Variants in INVS observed in about 807,000 individuals in gnomAD.
INVS encodes the protein inversin.
Under a neutral mutation model 108.8 loss-of-function variants are expected in INVS, and 86 were observed. The ratio of observed to expected loss-of-function variants is 0.79; its 90% CI spans 0.66 to 0.95. The LOEUF (loss-of-function observed/expected upper bound fraction) is 0.95. Ranked by LOEUF, INVS falls within the 40% of genes least tolerant of loss-of-function variation. The pLI is 0.00. For missense variants in INVS, 1,169 were observed against 1,297.4 expected (o/e 0.90, Z 1.52); for synonymous variants, 455 against 473.5 (o/e 0.96, Z 0.51).
intron 3 of INVS, among the ~76,000 whole-genome samples, chr9:100,219,958 A>G (rs1260233719): frequency 2.0e-5 from 3 of 152,148 alleles, no homozygotes; most frequent in Non-Finnish European, 4.4e-5. Flanking sequence ...CCAATTCAGG[A>G]TAGTAGTCTC....
In INVS at chr9:100,301,139, T is replaced by TCACA. The variant is rs10527613; in HGVS notation, c.*502_*505dup. 0.025 allele frequency: 4,182 copies of TCACA among 167,834 alleles called. 74 individuals carry two copies. The highest frequency in any genetic ancestry group is 0.035 in the Admixed American group (489 of 13,798). The allele number at this position is 167,834 out of a possible 1,614,324, so 10.4% of individuals were successfully genotyped here. On this transcript the variant is annotated 3_prime_UTR_variant, in exon 17 of 17. Coordinates refer to ENST00000262457, the MANE Select transcript of INVS (RefSeq NM_014425.5). ...CCTGGCATCTAATGCAACAAACTTA[T>TCACA]CACACACACACACACACACACACAC... is the stretch of plus-strand genomic sequence containing the variant.
At chr9:100,162,014 A>G (rs575338066) in intron 3 of INVS, among the ~76,000 whole-genome samples, 1 of 152,330 alleles carries the variant, frequency 6.6e-6, no homozygotes, top group East Asian at 1.9e-4. Context: ...CTCACACAGA[A>G]GATAGAGCCT....
chr9:100,253,200 T>C lies in INVS; in HGVS notation c.1464+64T>C, dbSNP rs1588123767. On this transcript the variant is annotated intron_variant, in intron 10 of 16. Coordinates refer to ENST00000262457, the MANE Select transcript of INVS (RefSeq NM_014425.5). ...AATTTAGAGTATTTCTTCTTTGTTG[T>C]AAACATAAGTAAAACAACAGTTTAC... 6 of 1,259,744 alleles carry C rather than the reference T, an allele frequency of 4.8e-6. No homozygotes were observed. The East Asian group carries it at 1.4e-4, about 29-fold the overall frequency. The allele number at this position is 1,259,744 out of a possible 1,614,324, so 78.0% of individuals were successfully genotyped here.
intron 3 of INVS, among the ~76,000 whole-genome samples, chr9:100,163,191 T>TC (rs1829247990): frequency 6.6e-6 from 1 of 150,982 alleles, no homozygotes; most frequent in Admixed American, 6.6e-5. Flanking sequence ...TTTCTATTTT[T>TC]TTTTTTTTTT....
Position 100,301,391 on chromosome 9 carries a change from G to GT in INVS, c.*718dup, listed in dbSNP as rs1208290303. ...TTCTCAGTGCTGAATACCAACAGCC[G>GT]TATTACAGTATCAAGGATTCTGTCA... On this transcript the variant is annotated 3_prime_UTR_variant, in exon 17 of 17. Coordinates refer to ENST00000262457, the MANE Select transcript of INVS (RefSeq NM_014425.5). 3.3e-5 allele frequency among the ~76,000 whole-genome samples: 5 copies of GT among 152,132 alleles called. No individual in the cohort carries two copies. The highest frequency in any genetic ancestry group is 1.5e-5 in the Non-Finnish European group (1 of 68,042).
chr9:100,203,881 C>G (rs1338768900), intron 3 of INVS, among the ~76,000 whole-genome samples: 1 of 152,076 alleles, frequency 6.6e-6, no homozygotes, highest in Non-Finnish European at 1.5e-5. Flanking sequence ...CATGTTTCTC[C>G]TTGAAAATTT....
chr9:100,202,581 TC>T (rs1402555915), intron 3 of INVS, among the ~76,000 whole-genome samples: 1 of 152,194 alleles, frequency 6.6e-6, no homozygotes, highest in Non-Finnish European at 1.5e-5. Flanking sequence ...CTTTCTCTCT[TC>T]CCTCTCCTTT....
intron 12 of INVS, among the ~76,000 whole-genome samples, chr9:100,273,527 CTTTTTTTTTTTTTTTT>C (rs58458085): frequency 2.1e-4 from 20 of 96,254 alleles, no homozygotes; most frequent in Non-Finnish European, 2.3e-4. Context: ...CCACTCAGTT[CTTTTTTTTTTTTTTTT>C]TTTTTTTTTT....
intron 12 of INVS, among the ~76,000 whole-genome samples, chr9:100,278,202 C>G (rs1011277324): frequency 1.5e-5 from 2 of 129,780 alleles, no homozygotes; most frequent in Non-Finnish European, 3.1e-5. Flanking sequence ...TGCACTCCAG[C>G]CTGGAAGACA....
chr9:100,175,240 C>T (rs968490691), intron 3 of INVS: 12 of 612,588 alleles, frequency 2.0e-5, no homozygotes, highest in African/African-American at 1.8e-4. Context: ...ACTGTAAAGA[C>T]TCTTTGCCAA....
chr9:100,134,019 G>A (rs978517087), intron 3 of INVS, among the ~76,000 whole-genome samples: 8 of 152,166 alleles, frequency 5.3e-5, no homozygotes, highest in African/African-American at 1.9e-4. Flanking sequence ...GGAGATTTGT[G>A]AGAACCTGGT....
At chr9:100,195,236 G>A (rs992727403) in intron 3 of INVS, among the ~76,000 whole-genome samples, 3 of 152,112 alleles carry the variant, frequency 2.0e-5, no homozygotes, top group Admixed American at 2.0e-4. Flanking sequence ...ATTCTAGTTC[G>A]CTGAGAATTT....
At chr9:100,161,388 A>ACAAAAAAAAAAAC (rs1554718618) in intron 3 of INVS, among the ~76,000 whole-genome samples, 10 of 139,100 alleles carry the variant, frequency 7.2e-5, no homozygotes, top group African/African-American at 2.9e-4. Flanking sequence ...AAAAAAAAAA[A>ACAAAAAAAAAAAC]AAAACCTCAT....
chr9:100,255,446 C>T (rs1223055927), intron 10 of INVS, among the ~76,000 whole-genome samples: 2 of 152,162 alleles, frequency 1.3e-5, no homozygotes, highest in Non-Finnish European at 2.9e-5. Context: ...ACTTCCAACA[C>T]TGTGTTGAAT....
intron 3 of INVS, among the ~76,000 whole-genome samples, chr9:100,190,685 T>C (rs759964811): frequency 1.3e-5 from 2 of 152,204 alleles, no homozygotes; most frequent in Non-Finnish European, 2.9e-5. Context: ...AGGCTAAAGA[T>C]AGGACCCTAA....
intron 3 of INVS, among the ~76,000 whole-genome samples, chr9:100,190,253 C>T (rs759446162): frequency 1.4e-4 from 21 of 152,098 alleles, no homozygotes; most frequent in Non-Finnish European, 7.4e-5. Context: ...CCACCCTTTA[C>T]CTTGAGTCTG....
At chr9:100,251,541 C>T (rs1162881836) in intron 8 of INVS, among the ~76,000 whole-genome samples, 1 of 152,216 alleles carries the variant, frequency 6.6e-6, no homozygotes, top group African/African-American at 2.4e-5. Context: ...CAGTTTTTCT[C>T]CAGTGAAGCA....
intron 10 of INVS, among the ~76,000 whole-genome samples, chr9:100,256,716 T>C (rs1294356500): frequency 6.6e-6 from 1 of 152,204 alleles, no homozygotes; most frequent in East Asian, 1.9e-4. Flanking sequence ...TTCCATGTAG[T>C]TGAGTGGTTT....
At chr9:100,210,127 A>G (rs539575540) in intron 3 of INVS, among the ~76,000 whole-genome samples, 10 of 152,160 alleles carry the variant, frequency 6.6e-5, no homozygotes, top group Admixed American at 1.3e-4. Flanking sequence ...CAGAGTTCTT[A>G]CTACCGTGTG....
Sources: gnomAD v4.1 joint callset for allele counts (sites outside exome capture counted in the v4.1 genomes callset) on GRCh38, gnomAD v4.1.1 for gene constraint, MANE v1.5 for transcripts, NCBI Gene and HGNC (gene_info 2026-07-23, HGNC 2026-07-21) for gene names.